DCDC1: variants seen among roughly 807,000 people sequenced by gnomAD.
The protein encoded by DCDC1 is doublecortin domain-containing protein 1.
A neutral mutation model predicts 178.3 loss-of-function variants in DCDC1; 200 were observed. That is an observed-to-expected ratio of 1.12 (90% CI 1.00 to 1.26). DCDC1 has a LOEUF of 1.26. Ranked by LOEUF, DCDC1 falls within the 50% of genes most tolerant of loss-of-function variation. DCDC1 has a pLI of 0.00. For synonymous variants in DCDC1, 690 were observed against 604.8 expected (o/e 1.14, Z -2.07); for missense variants, 1,983 against 1,749.2 (o/e 1.13, Z -2.38).
intron 13 of DCDC1, among the ~76,000 whole-genome samples, chr11:31,104,584 A>G (rs185807760): frequency 1.3e-5 from 2 of 152,266 alleles, no homozygotes; most frequent in African/African-American, 4.8e-5. Flanking sequence ...GTATATTTGG[A>G]TACTGGATTA....
intron 20 of DCDC1, among the ~76,000 whole-genome samples, chr11:31,052,465 G>A (rs527735522): frequency 6.6e-6 from 1 of 152,192 alleles, no homozygotes; most frequent in East Asian, 1.9e-4. Flanking sequence ...AGTCAACAAA[G>A]AAACATTGGA....
At chr11:31,346,644 T>A (rs1950832088) in intron 1 of DCDC1, among the ~76,000 whole-genome samples, 1 of 152,168 alleles carries the variant, frequency 6.6e-6, no homozygotes, top group African/African-American at 2.4e-5. Flanking sequence ...AGGAAATGAT[T>A]GTATTGAATA....
intron 20 of DCDC1, among the ~76,000 whole-genome samples, chr11:30,959,546 C>T (rs1948968337): frequency 6.6e-6 from 1 of 152,070 alleles, no homozygotes; most frequent in South Asian, 2.1e-4. Context: ...ATGGAGTGTT[C>T]CTTCATACCC....
intron 20 of DCDC1, among the ~76,000 whole-genome samples, chr11:30,999,940 T>G (rs553318100): frequency 1.7e-4 from 26 of 152,066 alleles, no homozygotes; most frequent in Non-Finnish European, 3.2e-4. Context: ...GTTCTCCCCT[T>G]TAAGAATGAA....
intron 20 of DCDC1, among the ~76,000 whole-genome samples, chr11:31,021,385 A>C (rs1952871497): frequency 6.6e-6 from 1 of 152,220 alleles, no homozygotes; most frequent in Non-Finnish European, 1.5e-5. Context: ...ACAACGGAAT[A>C]ATATGCATTA....
At chr11:30,959,242 C>T (rs1385546863) in intron 20 of DCDC1, among the ~76,000 whole-genome samples, 1 of 152,034 alleles carries the variant, frequency 6.6e-6, no homozygotes, top group Admixed American at 6.6e-5. Context: ...AACCCCAACC[C>T]CTTGAGGCAG....
intron 1 of DCDC1, among the ~76,000 whole-genome samples, chr11:31,349,700 T>A (rs554337372): frequency 2.6e-5 from 4 of 152,260 alleles, no homozygotes; most frequent in Admixed American, 6.5e-5. Context: ...CCATATTAAA[T>A]ATACAGTTCA....
At chr11:31,003,586 A>T (rs1951688161) in intron 20 of DCDC1, among the ~76,000 whole-genome samples, 1 of 152,220 alleles carries the variant, frequency 6.6e-6, no homozygotes, top group Non-Finnish European at 1.5e-5. Flanking sequence ...CTTAAGGATA[A>T]GTAGGATTTA....
intron 9 of DCDC1, among the ~76,000 whole-genome samples, chr11:31,188,486 G>A (rs776397440): frequency 2.0e-5 from 3 of 152,168 alleles, no homozygotes; most frequent in Non-Finnish European, 4.4e-5. Context: ...AAGGGCGTAC[G>A]TAAACAACTT....
chr11:31,005,440 C>A (rs975682101), intron 20 of DCDC1, among the ~76,000 whole-genome samples: 1 of 152,196 alleles, frequency 6.6e-6, no homozygotes, highest in African/African-American at 2.4e-5. Context: ...CCTGTCACAC[C>A]ACATATTCAT....
chr11:31,347,579 A>T (rs1950876915), intron 1 of DCDC1, among the ~76,000 whole-genome samples: 1 of 152,206 alleles, frequency 6.6e-6, no homozygotes, highest in Non-Finnish European at 1.5e-5. Context: ...GCAATGAAAT[A>T]GGTTGACACT....
At chr11:31,310,141 C>G (rs1167387876) in intron 3 of DCDC1, among the ~76,000 whole-genome samples, 2 of 151,854 alleles carry the variant, frequency 1.3e-5, no homozygotes, top group Non-Finnish European at 1.5e-5. Flanking sequence ...TATGGTTCAA[C>G]TATATATTTG....
At chr11:30,948,044 GGAA>G (rs1424854094) in intron 21 of DCDC1, among the ~76,000 whole-genome samples, 2 of 152,086 alleles carry the variant, frequency 1.3e-5, no homozygotes, top group Admixed American at 1.3e-4. Context: ...TATTTGAATA[GGAA>G]GAGAGGAAGT....
intron 9 of DCDC1, among the ~76,000 whole-genome samples, chr11:31,186,585 A>G (rs966717113): frequency 2.6e-5 from 4 of 152,238 alleles, no homozygotes; most frequent in African/African-American, 9.6e-5. Flanking sequence ...CATGGGCACC[A>G]CTGCCGCCCT....
chr11:30,871,505 T>C (rs149776662), intron 38 of DCDC1, among the ~76,000 whole-genome samples: 152 of 152,272 alleles, frequency 1.0e-3, no homozygotes, highest in Non-Finnish European at 1.0e-3. Flanking sequence ...ATACACAATG[T>C]CTAGTCCAAC....
At chr11:30,887,624 T>C (rs1181215140) in intron 36 of DCDC1, among the ~76,000 whole-genome samples, 1 of 152,180 alleles carries the variant, frequency 6.6e-6, no homozygotes, top group Non-Finnish European at 1.5e-5. Flanking sequence ...TACCCTGTGG[T>C]TGCCAATTCT....
intron 11 of DCDC1, among the ~76,000 whole-genome samples, chr11:31,124,808 C>T (rs1044653198): frequency 2.6e-5 from 4 of 152,060 alleles, no homozygotes; most frequent in Non-Finnish European, 5.9e-5. Flanking sequence ...AACTATAAAA[C>T]CCCAAACTAT....
At chr11:30,962,679 T>C (rs1289839081) in intron 20 of DCDC1, among the ~76,000 whole-genome samples, 2 of 151,986 alleles carry the variant, frequency 1.3e-5, no homozygotes, top group Non-Finnish European at 2.9e-5. Context: ...AATAAATGGA[T>C]ATACAAATGG....
At chr11:30,971,055 C>T (rs769618564) in intron 20 of DCDC1, among the ~76,000 whole-genome samples, 22 of 152,174 alleles carry the variant, frequency 1.4e-4, no homozygotes, top group African/African-American at 2.7e-4. Flanking sequence ...TCCCCATCCC[C>T]AGCAAAATTT....
Sources: gnomAD v4.1 joint callset for allele counts (sites outside exome capture counted in the v4.1 genomes callset) on GRCh38, gnomAD v4.1.1 for gene constraint, MANE v1.5 for transcripts, NCBI Gene and HGNC (gene_info 2026-07-23, HGNC 2026-07-21) for gene names.